The following DOCK3 variants were observed in gnomAD, a reference collection of about 807,000 sequenced individuals.
DOCK3 encodes the protein dedicator of cytokinesis protein 3.
DOCK3 carries 60 observed loss-of-function variants against 265.6 expected under a neutral mutation model. The observed-to-expected ratio is 0.23, with a 90% confidence interval of 0.18 to 0.28. The LOEUF (loss-of-function observed/expected upper bound fraction) is 0.28. Among genes scored for constraint, DOCK3 ranks in the 10% least tolerant of loss-of-function variants. The pLI is 1.00. For synonymous variants in DOCK3, 881 were observed against 938.0 expected (o/e 0.94, Z 1.11); for missense variants, 1,981 against 2,594.3 (o/e 0.76, Z 5.14).
intron 10 of DOCK3, among the ~76,000 whole-genome samples, chr3:51,155,595 T>G (rs149737921): frequency 1.1e-4 from 17 of 152,302 alleles, no homozygotes; most frequent in African/African-American, 4.1e-4. Flanking sequence ...CTGAGCAGAT[T>G]ACGAGGTTAC....
chr3:51,146,256 T>C (rs1269100506), intron 9 of DOCK3, among the ~76,000 whole-genome samples: 1 of 152,216 alleles, frequency 6.6e-6, no homozygotes, highest in Non-Finnish European at 1.5e-5. Context: ...GGGAGAAATA[T>C]AAGATACAGT....
chr3:50,736,289 C>T (rs567615554), intron 1 of DOCK3, among the ~76,000 whole-genome samples: 20 of 152,248 alleles, frequency 1.3e-4, no homozygotes, highest in Admixed American at 9.8e-4. Context: ...TTTTCTTAAT[C>T]CAGTCTATCA....
intron 31 of DOCK3, among the ~76,000 whole-genome samples, 164 bp downstream of exon 31, chr3:51,313,066 A>G (rs2083179710): frequency 6.6e-6 from 1 of 152,256 alleles, no homozygotes; most frequent in African/African-American, 2.4e-5. Context: ...GCACATGTGC[A>G]TAAAGCCCTT....
intron 23 of DOCK3, among the ~76,000 whole-genome samples, chr3:51,265,530 G>A (rs1237187237): frequency 1.3e-5 from 2 of 152,226 alleles, no homozygotes; most frequent in Non-Finnish European, 2.9e-5. Flanking sequence ...TCCCTGGGAT[G>A]TAAGGCTGGT....
At chr3:50,736,518 T>G (rs1400327526) in intron 1 of DOCK3, among the ~76,000 whole-genome samples, 2 of 152,102 alleles carry the variant, frequency 1.3e-5, no homozygotes, top group East Asian at 3.9e-4. Flanking sequence ...GTCCCACCAA[T>G]AGTGTAAAAG....
chr3:51,079,952 T>C (rs2082172059), intron 7 of DOCK3, among the ~76,000 whole-genome samples: 2 of 152,222 alleles, frequency 1.3e-5, no homozygotes, highest in African/African-American at 4.8e-5. Context: ...TTGGGATTTG[T>C]GTTTGCCTGT....
chr3:50,695,699 A>G (rs914671637), intron 1 of DOCK3, among the ~76,000 whole-genome samples: 1 of 152,226 alleles, frequency 6.6e-6, no homozygotes, highest in African/African-American at 2.4e-5. Flanking sequence ...CTGAGAGAGG[A>G]ATGGACACAA....
rs965100248 is a variant in DOCK3 at position 51,020,046 on chromosome 3, C to T, written c.316-44402C>T. Among the ~76,000 whole-genome samples, 16 of 151,858 alleles carry T rather than the reference C, an allele frequency of 1.1e-4. No individual in the cohort carries two copies. In the East Asian group the frequency reaches 3.1e-3, roughly 29 times the overall value. On this transcript the variant is annotated intron_variant, in intron 5 of 52. Transcript: ENST00000266037. ...TATTTCTGCCTCTGAGGAATTGTTG[C>T]ACTGTCTTCCACAATGGTTGAACTA...
intron 5 of DOCK3, among the ~76,000 whole-genome samples, chr3:51,032,990 G>A (rs1040686364): frequency 5.9e-5 from 9 of 152,174 alleles, no homozygotes; most frequent in Non-Finnish European, 7.3e-5. Context: ...CAGCCATTTA[G>A]TCCATCTTGA....
At chr3:51,157,127 T>G (rs943723239) in intron 10 of DOCK3, among the ~76,000 whole-genome samples, 45 of 146,134 alleles carry the variant, frequency 3.1e-4, no homozygotes, top group Non-Finnish European at 8.9e-5. Flanking sequence ...CATGTAAAAA[T>G]ATATCTTTGT....
At chr3:51,202,555 C>T (rs919905870) in intron 12 of DOCK3, among the ~76,000 whole-genome samples, 1 of 151,998 alleles carries the variant, frequency 6.6e-6, no homozygotes, top group Non-Finnish European at 1.5e-5. Context: ...GAGTCCAGGA[C>T]CAGATGGATT....
rs978641956 is a variant in DOCK3 at position 51,383,610 on chromosome 3, G to A, written c.*2051G>A. 12 of 152,428 alleles carry A rather than the reference G, an allele frequency of 7.9e-5. No homozygotes were observed. Among genetic ancestry groups the A allele is most frequent in the Middle Eastern group, 6.8e-3 (2 of 294 alleles). 9.4% of individuals were successfully genotyped at this position (152,428 alleles called of 1,614,324 possible). A position where few individuals can be genotyped will look rare whatever the true frequency, so the allele number is the denominator to read the frequency against. The stretch of plus-strand genomic sequence containing the variant: ...GGGGAGTATGGGTTCATTTGGCTTC[G>A]CATTATGCAAGGTGAAACCGTTTGT... On this transcript the variant is annotated 3_prime_UTR_variant, in exon 53 of 53. Coordinates refer to ENST00000266037, the MANE Select transcript of DOCK3 (RefSeq NM_004947.5).
chr3:51,228,107 T>C lies in DOCK3; in HGVS notation c.1647+19T>C. 2 of 1,612,112 alleles carry C rather than the reference T, an allele frequency of 1.2e-6. No individual in the cohort carries two copies. The highest frequency in any genetic ancestry group is 2.2e-5 in the South Asian group (2 of 91,010). On this transcript the variant is annotated intron_variant, in intron 17 of 52. Coordinates refer to ENST00000266037, the MANE Select transcript of DOCK3 (RefSeq NM_004947.5). ...GTACAAGGTATGAAGCCTAGCTGCC[T>C]TTCATCCCCACCCCTTACCTGCCCT... is the stretch of plus-strand genomic sequence containing the variant.
At chr3:50,737,482 T>C (rs1262767493) in intron 1 of DOCK3, among the ~76,000 whole-genome samples, 3 of 152,196 alleles carry the variant, frequency 2.0e-5, no homozygotes, top group Admixed American at 2.0e-4. Flanking sequence ...ACCTCCAACA[T>C]TGGGGATATA....
At chr3:51,252,882 A>G (rs1031702411) in intron 22 of DOCK3, among the ~76,000 whole-genome samples, 2 of 152,224 alleles carry the variant, frequency 1.3e-5, no homozygotes, top group Non-Finnish European at 2.9e-5. Context: ...TGCCCTGGCC[A>G]GAACTTTCAA....
At chr3:51,157,796 CTTTTT>C (rs11404204) in intron 10 of DOCK3, among the ~76,000 whole-genome samples, 2 of 129,668 alleles carry the variant, frequency 1.5e-5, no homozygotes, top group Admixed American at 8.7e-5. Context: ...TTGATTGTAC[CTTTTT>C]TTTTTTTTTT....
intron 4 of DOCK3, among the ~76,000 whole-genome samples, chr3:50,893,536 A>G (rs148187312): frequency 2.0e-5 from 3 of 152,212 alleles, no homozygotes; most frequent in Non-Finnish European, 4.4e-5. Flanking sequence ...GGAGCGAGTC[A>G]ACTTGAAGAT....
intron 2 of DOCK3, among the ~76,000 whole-genome samples, chr3:50,794,556 C>A (rs1366907029): frequency 6.6e-6 from 1 of 152,098 alleles, no homozygotes; most frequent in Non-Finnish European, 1.5e-5. Flanking sequence ...ATTGCAACCC[C>A]TGCTTTTTTC....
At chr3:51,351,437 A>G (rs1039290928) in intron 40 of DOCK3, among the ~76,000 whole-genome samples, 2 of 152,264 alleles carry the variant, frequency 1.3e-5, no homozygotes, top group African/African-American at 4.8e-5. Flanking sequence ...TGCTAGCGGC[A>G]GAGTCCAGGC....
Sources: gnomAD v4.1 joint callset for allele counts (sites outside exome capture counted in the v4.1 genomes callset) on GRCh38, gnomAD v4.1.1 for gene constraint, MANE v1.5 for transcripts, NCBI Gene and HGNC (gene_info 2026-07-23, HGNC 2026-07-21) for gene names.